Variants in PCDHA10 observed in about 807,000 individuals in gnomAD.
PCDHA10 encodes protocadherin alpha-10.
PCDHA10 carries 45 observed loss-of-function variants against 61.2 expected under a neutral mutation model. The ratio of observed to expected loss-of-function variants is 0.74; its 90% CI spans 0.58 to 0.94. The LOEUF (loss-of-function observed/expected upper bound fraction) is 0.94, where lower values mean the gene tolerates loss of function less well. Among genes scored for constraint, PCDHA10 ranks in the 40% least tolerant of loss-of-function variants. PCDHA10 has a pLI of 0.00. For synonymous variants in PCDHA10, 602 were observed against 548.8 expected, an observed-to-expected ratio of 1.10 and a Z score of -1.35; for missense variants, 1,278 against 1,236.2, an observed-to-expected ratio of 1.03 and a Z score of -0.51.
At chr5:140,895,165 T>C (rs28385500) in intron 1 of PCDHA10, among the ~76,000 whole-genome samples, 2,119 of 152,268 alleles carry the variant, frequency 0.014, 42 homozygotes, top group African/African-American at 0.049. Context: ...CACAATCCAA[T>C]CTATTTGTAG....
chr5:140,856,916 A>G lies in PCDHA10; in HGVS notation c.868A>G (p.Arg290Gly). 6.3e-7 allele frequency: 1 copy of G among 1,596,314 alleles called. No individual in the cohort carries two copies. Among genetic ancestry groups the G allele is most frequent in the Middle Eastern group, 1.7e-4 (1 of 5,994 alleles). The change falls in exon 1 of 4, where the codon AGG becomes GGG. Residue 290 changes from arginine to glycine, a missense_variant. Transcript: ENST00000307360. ...CTCTTTGGTCCCACCCACGATAAGAAGGAAATTTTGGATAAACGAAAGGAC... is the reference window on the plus strand; with the variant it reads ...CTCTTTGGTCCCACCCACGATAAGAGGGAAATTTTGGATAAACGAAAGGAC... ...FSSLVPPTIR[R>G]KFWINERTGE...
intron 1 of PCDHA10, among the ~76,000 whole-genome samples, chr5:140,974,769 T>C (rs1487371754): frequency 6.6e-6 from 1 of 152,238 alleles, no homozygotes; most frequent in Non-Finnish European, 1.5e-5. Context: ...ATTACAGGTA[T>C]GAGCCACTGC....
rs2098422979 is a variant in PCDHA10, at chr5:141,012,116, T to C, written c.*2179T>C. The C allele has an allele frequency of 6.5e-6, 1 of 153,756 alleles. No individual in the cohort carries two copies. Among genetic ancestry groups the C allele is most frequent in the African/African-American group, 2.4e-5 (1 of 41,464 alleles). The allele number at this position is 153,756 out of a possible 1,614,324, so 9.5% of individuals were successfully genotyped here. ...GATCATTTTGCCCCACTGAAGCCCA[T>C]GTATCTGACCTTACGTGCCTTTTGA... On this transcript the variant is annotated 3_prime_UTR_variant, in exon 4 of 4. Coordinates refer to ENST00000307360, the MANE Select transcript of PCDHA10 (RefSeq NM_018901.4).
At chr5:140,968,125 T>G in intron 1 of PCDHA10, 2 of 1,614,174 alleles carry the variant, frequency 1.2e-6, no homozygotes, top group South Asian at 2.2e-5. Flanking sequence ...CATCCCTGCG[T>G]ACACTGAAGG....
intron 1 of PCDHA10, chr5:140,876,644 C>G: frequency 2.5e-6 from 4 of 1,614,200 alleles, no homozygotes; most frequent in Non-Finnish European, 3.4e-6. Context: ...TCACTGACAC[C>G]TCATGTTCCC....
chr5:140,916,723 T>C (rs1264644464), intron 1 of PCDHA10, among the ~76,000 whole-genome samples: 1 of 152,186 alleles, frequency 6.6e-6, no homozygotes, highest in Non-Finnish European at 1.5e-5. Context: ...GGAGTGACTT[T>C]TGTTGCTGCA....
intron 3 of PCDHA10, among the ~76,000 whole-genome samples, chr5:140,984,776 G>C (rs1310495858): frequency 6.6e-6 from 1 of 152,062 alleles, no homozygotes; most frequent in Non-Finnish European, 1.5e-5. Context: ...AAGCTTACTT[G>C]CTGGGTGAGC....
In PCDHA10 at chr5:140,855,922, T is replaced by C. The variant is rs2043674213; in HGVS notation, c.-127T>C. ...AGCCAGTTTCTCAAGGACTAGGAAG[T>C]AGCGTCATTCTGAGATCTCAGCCAT... On this transcript the variant is annotated 5_prime_UTR_variant, in exon 1 of 4. Transcript: ENST00000307360. The C allele has an allele frequency of 3.3e-6, 4 of 1,227,726 alleles. No homozygotes were observed. In the Admixed American group the frequency reaches 1.0e-4, roughly 31 times the overall value. The allele number at this position is 1,227,726 out of a possible 1,614,324, so 76.1% of individuals were successfully genotyped here.
intron 1 of PCDHA10, among the ~76,000 whole-genome samples, chr5:140,921,888 AAGG>A (rs1354196773): frequency 2.0e-5 from 3 of 152,090 alleles, no homozygotes; most frequent in African/African-American, 7.2e-5. Flanking sequence ...AGATTTTAGA[AAGG>A]AGGATAAATA....
intron 1 of PCDHA10, among the ~76,000 whole-genome samples, chr5:140,926,157 C>T (rs1264983904): frequency 4.0e-5 from 6 of 151,736 alleles, no homozygotes; most frequent in Non-Finnish European, 8.8e-5. Flanking sequence ...GAAAGCTCTG[C>T]AGCAGGATCC....
In PCDHA10 at chr5:140,971,075, T is replaced by C. The variant is rs560795307; in HGVS notation, c.2389-7874T>C. 1.4e-4 allele frequency among the ~76,000 whole-genome samples: 22 copies of C among 152,322 alleles called. No homozygotes were observed. The South Asian group carries it at 3.7e-3, about 26-fold the overall frequency. ...CTTTAAATAAGGTTGCTGTAGACAT[T>C]TGCTTAACAAATTCTTGTGAAGCCC... is the stretch of plus-strand genomic sequence containing the variant. On this transcript the variant is annotated intron_variant, in intron 1 of 3. Transcript: ENST00000307360.
In PCDHA10 at chr5:140,883,728, A is replaced by G. The variant is rs781971725; in HGVS notation, c.2388+25292A>G. 2 of 1,613,392 alleles carry G rather than the reference A, an allele frequency of 1.2e-6. No homozygotes were observed. The highest frequency in any genetic ancestry group is 2.7e-5 in the African/African-American group (2 of 74,914). On this transcript the variant is annotated intron_variant, in intron 1 of 3. Transcript: ENST00000307360. ...GCTCAGGACGCGGACGCACAGGAGA[A>G]CGCGCTGGTCTCCTACTCGCTGGTG...
chr5:140,874,192 T>C (rs1263028873), intron 1 of PCDHA10, among the ~76,000 whole-genome samples: 4 of 152,224 alleles, frequency 2.6e-5, no homozygotes, highest in African/African-American at 9.6e-5. Flanking sequence ...GGTGTCATAT[T>C]TCAGTTGCCT....
At chr5:141,007,227 A>G (rs1458505596) in intron 3 of PCDHA10, among the ~76,000 whole-genome samples, 1 of 151,972 alleles carries the variant, frequency 6.6e-6, no homozygotes, top group Non-Finnish European at 1.5e-5. Flanking sequence ...CAAAATAAGA[A>G]GGATTGTTGA....
At chr5:140,998,548 T>A (rs904925148) in intron 3 of PCDHA10, among the ~76,000 whole-genome samples, 7 of 149,880 alleles carry the variant, frequency 4.7e-5, no homozygotes, top group African/African-American at 1.7e-4. Context: ...CCTAATTTAA[T>A]GTCTAATTTA....
intron 1 of PCDHA10, among the ~76,000 whole-genome samples, chr5:140,908,289 G>A (rs1031565997): frequency 2.6e-5 from 4 of 152,184 alleles, no homozygotes; most frequent in Non-Finnish European, 4.4e-5. Flanking sequence ...GTTGCAAGCT[G>A]GGGAAGAGAA....
intron 1 of PCDHA10, chr5:140,869,085 G>C (rs1223648721): frequency 6.3e-7 from 1 of 1,583,562 alleles, no homozygotes; most frequent in Non-Finnish European, 8.6e-7. Flanking sequence ...GCTTATTTTG[G>C]AAGCCAATTT....
chr5:140,862,832 C>A (rs1554157076), intron 1 of PCDHA10: 1 of 572,198 alleles, frequency 1.7e-6, no homozygotes, highest in South Asian at 1.4e-5. Context: ...GCGCGCGACG[C>A]GGGCATGCCG....
intron 1 of PCDHA10, among the ~76,000 whole-genome samples, chr5:140,918,873 C>A (rs774088807): frequency 2.0e-5 from 3 of 152,166 alleles, no homozygotes; most frequent in Non-Finnish European, 4.4e-5. Flanking sequence ...AACTTTCAAG[C>A]CTCTAGAACA....
Sources: allele counts gnomAD v4.1 joint callset (sites outside exome capture counted in the v4.1 genomes callset), GRCh38; gene constraint gnomAD v4.1.1; transcripts MANE v1.5; gene names NCBI Gene and HGNC (gene_info 2026-07-23, HGNC 2026-07-21).